ABLIM1: variants seen among roughly 807,000 people sequenced by gnomAD.
ABLIM1 encodes the protein actin binding LIM protein 1.
ABLIM1 carries 40 observed loss-of-function variants against 107.0 expected under a neutral mutation model. The observed-to-expected ratio is 0.37, with a 90% confidence interval of 0.29 to 0.49. The LOEUF is 0.49. Among genes scored for constraint, ABLIM1 ranks in the 20% least tolerant of loss-of-function variants. The probability of loss-of-function intolerance (pLI) is 0.97; values close to 1 mark genes in which losing one functional copy is unlikely to be tolerated. For synonymous variants in ABLIM1, 357 were observed against 357.3 expected (o/e 1.00, Z 0.01); for missense variants, 857 against 1,008.5 (o/e 0.85, Z 2.04).
rs541053335 is a variant in ABLIM1, at chr10:114,434,724, T to C, written c.*1536A>G. ...GGAGTTACACAAACTCTCCCTCATCTAACTCACGTCGGGAATCATGATGTG... is the reference window on the plus strand; with the variant it reads ...GGAGTTACACAAACTCTCCCTCATCCAACTCACGTCGGGAATCATGATGTG... On this transcript the variant is annotated 3_prime_UTR_variant, in exon 23 of 23. Coordinates refer to ENST00000533213, the MANE Select transcript of ABLIM1 (RefSeq NM_002313.7). 1 of 152,352 alleles carries C rather than the reference T, an allele frequency of 6.6e-6. No homozygotes were observed. The highest frequency in any genetic ancestry group is 2.1e-4 in the South Asian group (1 of 4,824). 9.4% of individuals were successfully genotyped at this position (152,352 alleles called of 1,614,324 possible).
chr10:114,681,868 T>C (rs2080763996), intron 1 of ABLIM1, among the ~76,000 whole-genome samples: 1 of 152,196 alleles, frequency 6.6e-6, no homozygotes, highest in African/African-American at 2.4e-5. Flanking sequence ...TTCCTGGCAA[T>C]GTCATGCTCT....
At chr10:114,724,049 T>G (rs770029300) in intron 1 of ABLIM1, among the ~76,000 whole-genome samples, 1 of 152,238 alleles carries the variant, frequency 6.6e-6, no homozygotes, top group Non-Finnish European at 1.5e-5. Context: ...ATTTTATTTA[T>G]TTATGAAAAC....
At chr10:114,448,640 G>T (rs2061411574) in intron 14 of ABLIM1, among the ~76,000 whole-genome samples, 4 of 135,694 alleles carry the variant, frequency 2.9e-5, no homozygotes, top group Admixed American at 2.1e-4. Context: ...TTGAGACAGA[G>T]TCTCACTCTG....
At chr10:114,459,684 G>A (rs2063483869) in intron 12 of ABLIM1, among the ~76,000 whole-genome samples, 1 of 152,056 alleles carries the variant, frequency 6.6e-6, no homozygotes, top group Admixed American at 6.6e-5. Flanking sequence ...AGTATATACT[G>A]TTATGTACAT....
At chr10:114,588,848 TC>T (rs1360003649) in intron 2 of ABLIM1, among the ~76,000 whole-genome samples, 1 of 151,700 alleles carries the variant, frequency 6.6e-6, no homozygotes, top group Non-Finnish European at 1.5e-5. Context: ...CTATATTTTT[TC>T]CCCCCTCCAT....
At position 114,658,127 on chromosome 10, in the gene ABLIM1, T is replaced by G. The variant is rs554431683; in HGVS notation, c.74A>C (p.Glu25Ala). 3.1e-6 allele frequency: 5 copies of G among 1,614,148 alleles called. No homozygotes were observed. In the East Asian group the frequency reaches 1.1e-4, roughly 36 times the overall value. ...SSEKSKVTSSERTSARGSNRK... is the reference protein window; with the variant it reads ...SSEKSKVTSSARTSARGSNRK... ...GTTCGAGCCCCTGGCACTGGTTCTC[T>G]CAGATGAGGTGACTTTGCTTTTCTC... The change falls in exon 1 of 23, where the codon GAG becomes GCG. Residue 25 changes from glutamate (E) to alanine (A), a missense_variant. Physicochemically the swap from Glu to Ala is moderately radical, Grantham distance 107 (BLOSUM62 -1). This residue lies in a region of ABLIM1 where 176 missense variants were observed against 173.5 expected (regional missense o/e 1.01). Transcript: ENST00000533213.
At position 114,628,219 on chromosome 10, in the gene ABLIM1, T is replaced by C. The variant is rs139144000; in HGVS notation, c.245-26258A>G. 5.5e-3 allele frequency among the ~76,000 whole-genome samples: 835 copies of C among 152,342 alleles called. 4 individuals are homozygous for C. The highest frequency in any genetic ancestry group is 6.4e-3 in the Non-Finnish European group (435 of 68,034). The stretch of plus-strand genomic sequence containing the variant: ...TAAAGAGAACTGTGACCAAGGTGTC[T>C]TAGCACCCCACTGCTCTCTACAGCT... On this transcript the variant is annotated intron_variant, in intron 1 of 22. Coordinates refer to ENST00000533213, the MANE Select transcript of ABLIM1 (RefSeq NM_002313.7).
chr10:114,458,993 G>A (rs1255171845), intron 12 of ABLIM1, among the ~76,000 whole-genome samples: 1 of 152,226 alleles, frequency 6.6e-6, no homozygotes, highest in African/African-American at 2.4e-5. Context: ...TGGATGTTAT[G>A]GAAAATGAAT....
chr10:114,619,165 T>TA lies in ABLIM1; in HGVS notation c.245-17205dup, dbSNP rs2077309497. On this transcript the variant is annotated intron_variant, in intron 1 of 22. Coordinates refer to ENST00000533213, the MANE Select transcript of ABLIM1 (RefSeq NM_002313.7). This position sits in a 1 kb window ranked among gnomAD's most constrained non-coding sequence, Gnocchi z 4.1. The stretch of plus-strand genomic sequence containing the variant: ...AACTCTCTCCAAAGCCCTTAAATTA[T>TA]ATTTTTTCTTTTTTTTTTCTTTCTC... Among the ~76,000 whole-genome samples the TA allele has an allele frequency of 6.6e-6, 1 of 151,852 alleles. No individual in the cohort carries two copies. Among genetic ancestry groups the TA allele is most frequent in the Admixed American group, 6.6e-5 (1 of 15,238 alleles).
intron 1 of ABLIM1, among the ~76,000 whole-genome samples, chr10:114,729,643 C>T (rs751848945): frequency 1.3e-5 from 2 of 151,976 alleles, no homozygotes; most frequent in Admixed American, 6.6e-5. Context: ...CTGAAACCCA[C>T]GACTGAGAAA....
rs79725027 is a variant in ABLIM1 at position 114,436,257 on chromosome 10, G to T, written c.*3C>A. On this transcript the variant is annotated 3_prime_UTR_variant, in exon 23 of 23. Coordinates refer to ENST00000533213, the MANE Select transcript of ABLIM1 (RefSeq NM_002313.7). Reference sequence around the variant, plus strand: ...TTCTCTAATTGCCATTCACGAGTGGGACTTAGAAGAGTTTTGCTTTTTTCT... The same window carrying T: ...TTCTCTAATTGCCATTCACGAGTGGTACTTAGAAGAGTTTTGCTTTTTTCT... The T allele has an allele frequency of 2.8e-4, 458 of 1,609,076 alleles. No individual in the cohort carries two copies. In the African/African-American group the frequency reaches 5.0e-3, roughly 18 times the overall value.
intron 2 of ABLIM1, among the ~76,000 whole-genome samples, chr10:114,591,255 C>T (rs1185069771): frequency 1.3e-5 from 2 of 152,112 alleles, no homozygotes; most frequent in South Asian, 2.1e-4. Flanking sequence ...CTTGGAATTT[C>T]CCAGTTTCAC....
chr10:114,525,336 G>A (rs533573905), intron 6 of ABLIM1, among the ~76,000 whole-genome samples: 1 of 152,198 alleles, frequency 6.6e-6, no homozygotes, highest in African/African-American at 2.4e-5. Context: ...TTTAGTTGAA[G>A]AGAAAAATCT....
intron 6 of ABLIM1, among the ~76,000 whole-genome samples, chr10:114,534,680 C>T (rs966088838): frequency 6.6e-6 from 1 of 152,178 alleles, no homozygotes; most frequent in Non-Finnish European, 1.5e-5. Flanking sequence ...GCTCAATAAT[C>T]CTGGTTGACT....
chr10:114,493,873 G>A (rs2059335379), intron 6 of ABLIM1, among the ~76,000 whole-genome samples: 1 of 152,158 alleles, frequency 6.6e-6, no homozygotes, highest in Non-Finnish European at 1.5e-5. Context: ...ATACCCACAG[G>A]AATTTTCTCT....
chr10:114,457,325 A>G (rs988303321), intron 12 of ABLIM1, among the ~76,000 whole-genome samples: 1 of 152,036 alleles, frequency 6.6e-6, no homozygotes, highest in African/African-American at 2.4e-5. Flanking sequence ...GCTGTAGTGC[A>G]GTGGTGCAGT....
chr10:114,711,814 C>T (rs1433847895), intron 1 of ABLIM1, among the ~76,000 whole-genome samples: 2 of 152,036 alleles, frequency 1.3e-5, no homozygotes, highest in African/African-American at 4.8e-5. Flanking sequence ...GAGAAGGAGT[C>T]CAGGGAATAA....
upstream of ABLIM1, among the ~76,000 whole-genome samples, chr10:114,769,561 GGGAA>G (rs1157977637): frequency 9.1e-6 from 1 of 109,514 alleles, no homozygotes; most frequent in Admixed American, 8.1e-5. Flanking sequence ...AGAAAGAGAA[GGGAA>G]GAAAGAAAGA....
At chr10:114,601,554 G>A (rs991212253) in intron 2 of ABLIM1, 5 of 503,058 alleles carry the variant, frequency 9.9e-6, no homozygotes, top group African/African-American at 9.7e-5. Context: ...GCGTGAGCCG[G>A]CCTTTTTACT....
Sources: allele counts gnomAD v4.1 joint callset (sites outside exome capture counted in the v4.1 genomes callset), GRCh38; gene constraint gnomAD v4.1.1; regional missense constraint gnomAD v4.1.1; non-coding constraint Gnocchi (gnomAD v3.1); transcripts MANE v1.5; gene names NCBI Gene and HGNC (gene_info 2026-07-23, HGNC 2026-07-21).